The following MBP variants were observed in gnomAD, a reference collection of about 807,000 sequenced individuals.
MBP encodes the protein Golli-MBP.
Under a neutral mutation model 35.8 loss-of-function variants are expected in MBP, and 16 were observed. The observed-to-expected ratio is 0.45, with a 90% CI of 0.30 to 0.68. The LOEUF (loss-of-function observed/expected upper bound fraction) is 0.68. MBP is among the 30% of genes least tolerant of loss of function. The pLI, the probability that MBP is intolerant of heterozygous loss-of-function variation, is 0.08. For missense variants in MBP, 380 were observed against 404.7 expected (o/e 0.94, Z 0.52); for synonymous variants, 143 against 159.6 (o/e 0.90, Z 0.78).
chr18:77,070,487 C>T (rs1488135756), intron 2 of MBP, among the ~76,000 whole-genome samples: 3 of 152,228 alleles, frequency 2.0e-5, no homozygotes, highest in Non-Finnish European at 2.9e-5. Context: ...ACAAACAGCT[C>T]GGGACATTAC....
intron 4 of MBP, among the ~76,000 whole-genome samples, chr18:77,007,875 T>C (rs867452185): frequency 1.3e-5 from 2 of 152,236 alleles, no homozygotes; most frequent in South Asian, 4.1e-4. Context: ...ATGCAAAACC[T>C]GTCTAGGATG....
intron 2 of MBP, among the ~76,000 whole-genome samples, chr18:77,096,728 T>C (rs894682095): frequency 2.0e-5 from 3 of 152,222 alleles, no homozygotes; most frequent in Non-Finnish European, 2.9e-5. Flanking sequence ...TCCAGACTTA[T>C]TGCTTGTTAG....
intron 4 of MBP, among the ~76,000 whole-genome samples, chr18:76,992,236 G>A (rs1394009994): frequency 6.6e-6 from 1 of 152,172 alleles, no homozygotes; most frequent in Admixed American, 6.5e-5. Context: ...AACGTTTTTG[G>A]GATGAAACTG....
chr18:77,077,748 T>A (rs1197580946), intron 2 of MBP, among the ~76,000 whole-genome samples: 2 of 152,206 alleles, frequency 1.3e-5, no homozygotes, highest in Non-Finnish European at 2.9e-5. Context: ...CAGTTAGGAC[T>A]CGGAACTACT....
chr18:76,995,549 T>C (rs1171807814), intron 4 of MBP, among the ~76,000 whole-genome samples: 1 of 151,794 alleles, frequency 6.6e-6, no homozygotes, highest in East Asian at 1.9e-4. Context: ...GACCAGCCGA[T>C]TCCTGGCAAA....
intron 4 of MBP, chr18:77,015,265 AT>A (rs10713423): frequency 0.36 from 341,393 of 950,138 alleles, 61,208 homozygotes; most frequent in Non-Finnish European, 0.38. Context: ...GTTTAAGTAC[AT>A]TTTTTTTTTC....
chr18:77,081,275 G>A (rs1441930591), intron 2 of MBP, among the ~76,000 whole-genome samples: 5 of 152,174 alleles, frequency 3.3e-5, no homozygotes, highest in African/African-American at 1.2e-4. Flanking sequence ...ACAACCCGGA[G>A]AAGTGGTGAA....
chr18:77,058,496 C>A (rs1200574785), intron 3 of MBP, among the ~76,000 whole-genome samples: 1 of 152,208 alleles, frequency 6.6e-6, no homozygotes, highest in Non-Finnish European at 1.5e-5. Flanking sequence ...CCGGGCACGA[C>A]CCCAGCCCCC....
At chr18:77,056,203 G>T (rs993455861) in intron 3 of MBP, among the ~76,000 whole-genome samples, 2 of 152,206 alleles carry the variant, frequency 1.3e-5, no homozygotes, top group African/African-American at 4.8e-5. Context: ...GCCTGGCCCG[G>T]TGTCCATGTG....
intron 3 of MBP, among the ~76,000 whole-genome samples, chr18:77,023,700 C>T (rs777844333): frequency 6.6e-6 from 1 of 152,200 alleles, no homozygotes; most frequent in Non-Finnish European, 1.5e-5. Context: ...AGGCCCTTGA[C>T]CTCTGTGGTC....
intron 4 of MBP, among the ~76,000 whole-genome samples, chr18:76,999,085 CT>C (rs1456517845): frequency 1.3e-5 from 2 of 151,686 alleles, no homozygotes; most frequent in Non-Finnish European, 2.9e-5. Flanking sequence ...TCTGTCACAC[CT>C]TATGATAAAC....
chr18:76,979,409 G>C lies in MBP; in HGVS notation c.*1018C>G, dbSNP rs1969057972. On this transcript the variant is annotated 3_prime_UTR_variant, in exon 9 of 9. Transcript: ENST00000355994. ...GCGTCTTCTGGGAGGAAGTGAATGA[G>C]CCGGTTATCTTCTCAGGGAGGGTTA... 6.5e-6 allele frequency: 1 copy of C among 153,084 alleles called. No individual in the cohort carries two copies. The highest frequency in any genetic ancestry group is 6.5e-5 in the Admixed American group (1 of 15,370). The allele number at this position is 153,084 out of a possible 1,614,324, so 9.5% of individuals were successfully genotyped here.
chr18:77,053,807 A>G (rs1973610576), intron 3 of MBP, among the ~76,000 whole-genome samples: 1 of 152,248 alleles, frequency 6.6e-6, no homozygotes, highest in African/African-American at 2.4e-5. Context: ...AGCTCGTCCC[A>G]TGAGCCGGGC....
intron 2 of MBP, among the ~76,000 whole-genome samples, chr18:77,075,996 T>C (rs1400079651): frequency 6.6e-6 from 1 of 152,208 alleles, no homozygotes; most frequent in African/African-American, 2.4e-5. Context: ...TCGATTACAT[T>C]TATCATGAAC....
intron 4 of MBP, among the ~76,000 whole-genome samples, chr18:76,997,728 G>C (rs956681276): frequency 1.3e-5 from 2 of 151,324 alleles, no homozygotes; most frequent in Non-Finnish European, 3.0e-5. Flanking sequence ...TGTCCCCCAG[G>C]CTGGAGTGCA....
At chr18:77,121,203 G>A (rs1976874386) in intron 1 of MBP, among the ~76,000 whole-genome samples, 1 of 152,074 alleles carries the variant, frequency 6.6e-6, no homozygotes, top group African/African-American at 2.4e-5. Flanking sequence ...CAGCTACTCA[G>A]GGAGATTGAG....
At chr18:77,007,848 C>T (rs1971084962) in intron 4 of MBP, among the ~76,000 whole-genome samples, 1 of 152,170 alleles carries the variant, frequency 6.6e-6, no homozygotes, top group Non-Finnish European at 1.5e-5. Flanking sequence ...TATCTTTGGC[C>T]AGGATTTTAA....
At chr18:77,126,314 G>A (rs552551022) in intron 1 of MBP, among the ~76,000 whole-genome samples, 6 of 152,152 alleles carry the variant, frequency 3.9e-5, no homozygotes, top group African/African-American at 1.4e-4. Context: ...AGTCAAAGAA[G>A]AAAAATCTCA....
intron 3 of MBP, among the ~76,000 whole-genome samples, chr18:77,028,887 C>T (rs112989129): frequency 0.15 from 10,110 of 67,908 alleles, 1,366 homozygotes; most frequent in Middle Eastern, 0.22. Context: ...CCTCACTTCC[C>T]AGATGGGATG....
Sources: allele counts gnomAD v4.1 joint callset (sites outside exome capture counted in the v4.1 genomes callset), GRCh38; gene constraint gnomAD v4.1.1; transcripts MANE v1.5; gene names NCBI Gene and HGNC (gene_info 2026-07-23, HGNC 2026-07-21).